PDZRN4: variants seen among roughly 807,000 people sequenced by gnomAD.
The protein encoded by PDZRN4 is PDZ domain containing ring finger 4.
PDZRN4 carries 70 observed loss-of-function variants against 99.0 expected under a neutral mutation model. That is an observed-to-expected ratio of 0.71 (90% confidence interval 0.58 to 0.86). The LOEUF (loss-of-function observed/expected upper bound fraction) is 0.86, where lower values mean the gene tolerates loss of function less well. PDZRN4 is among the 40% of genes least tolerant of loss of function. The pLI is 0.00. For missense variants in PDZRN4, 1,474 were observed against 1,331.2 expected, an observed-to-expected ratio of 1.11 and a Z score of -1.67; for synonymous variants, 551 against 501.6, an observed-to-expected ratio of 1.10 and a Z score of -1.32.
intron 3 of PDZRN4, among the ~76,000 whole-genome samples, chr12:41,243,565 T>A (rs1282860628): frequency 1.3e-5 from 2 of 152,162 alleles, no homozygotes; most frequent in African/African-American, 4.8e-5. Context: ...TTAGTCTGTA[T>A]TTAAAGCCAG....
At chr12:41,468,806 C>A (rs1314765592) in intron 3 of PDZRN4, among the ~76,000 whole-genome samples, 2 of 152,126 alleles carry the variant, frequency 1.3e-5, no homozygotes, top group African/African-American at 4.8e-5. Context: ...AGAATTGATT[C>A]TAATAAGCCT....
intron 3 of PDZRN4, among the ~76,000 whole-genome samples, chr12:41,461,673 ATTTC>A (rs1417050561): frequency 6.6e-6 from 1 of 152,108 alleles, no homozygotes; most frequent in East Asian, 1.9e-4. Context: ...TTCTTCCCTT[ATTTC>A]TTTATGTTTA....
intron 3 of PDZRN4, among the ~76,000 whole-genome samples, chr12:41,485,331 C>T (rs1937754263): frequency 6.6e-6 from 1 of 152,144 alleles, no homozygotes; most frequent in Non-Finnish European, 1.5e-5. Flanking sequence ...CTGTGTACCC[C>T]TATACCTATC....
chr12:41,488,666 C>T (rs1435769437), intron 3 of PDZRN4, among the ~76,000 whole-genome samples: 2 of 152,120 alleles, frequency 1.3e-5, no homozygotes, highest in Non-Finnish European at 2.9e-5. Context: ...TCACAGTTAA[C>T]TTCTCCGGGC....
chr12:41,515,190 G>A (rs1388586373), intron 5 of PDZRN4, among the ~76,000 whole-genome samples: 2 of 151,898 alleles, frequency 1.3e-5, no homozygotes, highest in Non-Finnish European at 2.9e-5. Flanking sequence ...AGCCAGTGAT[G>A]GAAGAAACAT....
intron 3 of PDZRN4, among the ~76,000 whole-genome samples, chr12:41,447,381 G>T (rs1472005723): frequency 6.6e-6 from 1 of 152,074 alleles, no homozygotes; most frequent in South Asian, 2.1e-4. Context: ...TACTGTCTTT[G>T]GTGATTGCAC....
intron 3 of PDZRN4, chr12:41,409,952 G>A (rs1952382462): frequency 6.6e-6 from 1 of 152,090 alleles, no homozygotes. Context: ...CTTCTTATAT[G>A]GACACCAGTC....
At chr12:41,227,549 C>A (rs1172285944) in intron 3 of PDZRN4, among the ~76,000 whole-genome samples, 1 of 152,000 alleles carries the variant, frequency 6.6e-6, no homozygotes, top group Non-Finnish European at 1.5e-5. Flanking sequence ...CCTGTAGTCC[C>A]AGCTACTTGG....
chr12:41,191,472 G>A lies in PDZRN4; in HGVS notation c.663G>A (p.Lys221=). ...TTTTTTTCTAGGATGGAGAGCATAA[G>A]CCATTCACTATTGTGTTAGAAAGAG... ...GGGHRRDGEH[K]PFTIVLEREN... The change falls in exon 2 of 10, where the codon AAG becomes AAA. Residue 221 remains lysine (K), a synonymous_variant. Coordinates refer to ENST00000402685, the MANE Select transcript of PDZRN4 (RefSeq NM_001164595.2). The A allele has an allele frequency of 6.5e-7, 1 of 1,544,552 alleles. No individual in the cohort carries two copies. The highest frequency in any genetic ancestry group is 1.1e-5 in the South Asian group (1 of 89,158).
intron 7 of PDZRN4, among the ~76,000 whole-genome samples, chr12:41,556,385 G>A (rs1169792756): frequency 6.6e-6 from 1 of 152,240 alleles, no homozygotes; most frequent in South Asian, 2.1e-4. Flanking sequence ...AGATGGTACA[G>A]CCTACTACAC....
chr12:41,544,380 T>C (rs1457208015), intron 5 of PDZRN4, among the ~76,000 whole-genome samples: 1 of 152,196 alleles, frequency 6.6e-6, no homozygotes, highest in African/African-American at 2.4e-5. Context: ...TGTACAAATA[T>C]AGCAAAAGCA....
In PDZRN4 at chr12:41,206,141, G is replaced by A. The variant is rs138027863; in HGVS notation, c.843+11953G>A. On this transcript the variant is annotated intron_variant, in intron 3 of 9. Coordinates refer to ENST00000402685, the MANE Select transcript of PDZRN4 (RefSeq NM_001164595.2). The stretch of plus-strand genomic sequence containing the variant: ...TAGGCTATTACAACAGCAGTGCTCT[G>A]AACATTCTTGTTTTGTGGACGTATG... 1.3e-3 allele frequency among the ~76,000 whole-genome samples: 195 copies of A among 152,048 alleles called. 1 individual carries two copies. Among genetic ancestry groups the A allele is most frequent in the African/African-American group, 4.5e-3 (185 of 41,508 alleles).
chr12:41,573,611 G>A lies in PDZRN4; in HGVS notation c.2832G>A (p.Glu944=). 4 of 1,614,082 alleles carry A rather than the reference G, an allele frequency of 2.5e-6. No homozygotes were observed. The highest frequency in any genetic ancestry group is 8.5e-7 in the Non-Finnish European group (1 of 1,180,020). Residue 944 remains glutamate (E), a synonymous_variant, in exon 10 of 10, where the codon GAG becomes GAA. Transcript: ENST00000402685. ...EMKMGRYWSK[E]ERKQHLVRAK... ...AAATGGGGCGCTACTGGAGCAAAGA[G>A]GAGAGAAAGCAGCACCTGGTTAGGG...
intron 5 of PDZRN4, among the ~76,000 whole-genome samples, chr12:41,518,397 G>A (rs938771299): frequency 6.6e-6 from 1 of 151,982 alleles, no homozygotes; most frequent in Non-Finnish European, 1.5e-5. Flanking sequence ...CACTGTATGA[G>A]TGCAATTTTG....
At chr12:41,294,650 A>G (rs1049502370) in intron 3 of PDZRN4, among the ~76,000 whole-genome samples, 1 of 152,152 alleles carries the variant, frequency 6.6e-6, no homozygotes, top group African/African-American at 2.4e-5. Context: ...CTTAAATATT[A>G]CCTCTTTATA....
At chr12:41,292,906 C>A (rs1951465405) in intron 3 of PDZRN4, among the ~76,000 whole-genome samples, 1 of 151,600 alleles carries the variant, frequency 6.6e-6, no homozygotes, top group Admixed American at 6.6e-5. Flanking sequence ...ATGAAAAGAC[C>A]AATGTGAATG....
chr12:41,371,819 C>T (rs1169069260), intron 3 of PDZRN4, among the ~76,000 whole-genome samples: 2 of 152,024 alleles, frequency 1.3e-5, no homozygotes, highest in African/African-American at 4.8e-5. Context: ...TTCTAGGAGA[C>T]CTCCTTTGTT....
At chr12:41,544,535 C>A (rs1420143199) in intron 5 of PDZRN4, among the ~76,000 whole-genome samples, 1 of 152,098 alleles carries the variant, frequency 6.6e-6, no homozygotes, top group African/African-American at 2.4e-5. Context: ...AAACAAATTT[C>A]TTTTTGTTTC....
At chr12:41,444,613 G>A (rs1301261565) in intron 3 of PDZRN4, among the ~76,000 whole-genome samples, 1 of 152,126 alleles carries the variant, frequency 6.6e-6, no homozygotes, top group Non-Finnish European at 1.5e-5. Flanking sequence ...ATTGAAAGAA[G>A]AGACTGAACT....
Sources: allele counts gnomAD v4.1 joint callset (sites outside exome capture counted in the v4.1 genomes callset), GRCh38; gene constraint gnomAD v4.1.1; transcripts MANE v1.5; gene names NCBI Gene and HGNC (gene_info 2026-07-23, HGNC 2026-07-21).